Variants in PCDHAC1 observed in about 807,000 individuals in gnomAD.
PCDHAC1 encodes protocadherin alpha-C1.
A neutral mutation model predicts 60.0 loss-of-function variants in PCDHAC1; 42 were observed. The observed-to-expected ratio is 0.70, with a 90% CI of 0.55 to 0.90. The LOEUF (loss-of-function observed/expected upper bound fraction) is 0.90. PCDHAC1 is among the 40% of genes least tolerant of loss of function. The pLI is 0.00. For missense variants in PCDHAC1, 1,160 were observed against 1,222.3 expected, an observed-to-expected ratio of 0.95 and a Z score of 0.76; for synonymous variants, 468 against 499.3, an observed-to-expected ratio of 0.94 and a Z score of 0.84.
rs140423301 is a variant in PCDHAC1 at position 140,995,612 on chromosome 5, C to T, written c.2581+13049C>T. Among the ~76,000 whole-genome samples, 11 of 152,156 alleles carry T rather than the reference C, an allele frequency of 7.2e-5. No individual in the cohort carries two copies. In the East Asian group the frequency reaches 2.1e-3, roughly 29 times the overall value. On this transcript the variant is annotated intron_variant, in intron 3 of 3. Transcript: ENST00000253807. ...AACTTAGTGTTTTTCTTCTCCCAAA[C>T]CAAATATTGGAAACTTTGGAGTGTT... is the stretch of plus-strand genomic sequence containing the variant.
intron 3 of PCDHAC1, among the ~76,000 whole-genome samples, chr5:140,997,125 A>C (rs2097760835): frequency 6.6e-6 from 1 of 152,072 alleles, no homozygotes; most frequent in Admixed American, 6.6e-5. Context: ...CCACATACAC[A>C]ATGCCCCCAC....
chr5:140,945,709 G>C (rs1033770128), intron 1 of PCDHAC1, among the ~76,000 whole-genome samples: 4 of 151,930 alleles, frequency 2.6e-5, no homozygotes, highest in Admixed American at 1.3e-4. Flanking sequence ...TGCAACAAAA[G>C]TATCAAGAAT....
rs528377796 is a variant in PCDHAC1, at chr5:140,957,777, T to G, written c.2434-21172T>G. The stretch of plus-strand genomic sequence containing the variant: ...TTCATTATATATGTTAAGTAAAAAC[T>G]AAGTTCATCATATATGTTAAGTAAA... On this transcript the variant is annotated intron_variant, in intron 1 of 3. Coordinates refer to ENST00000253807, the MANE Select transcript of PCDHAC1 (RefSeq NM_018898.5). 8.5e-5 allele frequency among the ~76,000 whole-genome samples: 13 copies of G among 152,182 alleles called. No individual in the cohort carries two copies. The South Asian group carries it at 1.7e-3, about 19-fold the overall frequency.
At chr5:140,941,299 TC>T (rs1554214293) in intron 1 of PCDHAC1, among the ~76,000 whole-genome samples, 2 of 144,342 alleles carry the variant, frequency 1.4e-5, no homozygotes, top group African/African-American at 2.5e-5. Context: ...TTTCTTTCTT[TC>T]TTTCTTTTTC....
chr5:141,001,069 C>T (rs1422093659), intron 3 of PCDHAC1, among the ~76,000 whole-genome samples: 15 of 152,106 alleles, frequency 9.9e-5, no homozygotes, highest in African/African-American at 3.1e-4. Flanking sequence ...AAATTAAATA[C>T]ATGCAAAATA....
chr5:140,961,647 G>C (rs1204313600), intron 1 of PCDHAC1, among the ~76,000 whole-genome samples: 10 of 152,104 alleles, frequency 6.6e-5, no homozygotes, highest in African/African-American at 2.4e-4. Flanking sequence ...AAGTCTATGT[G>C]GTTAGTTTGA....
intron 3 of PCDHAC1, among the ~76,000 whole-genome samples, chr5:140,987,422 G>A (rs1554249178): frequency 6.6e-6 from 1 of 152,152 alleles, no homozygotes; most frequent in Non-Finnish European, 1.5e-5. Flanking sequence ...CTTGTGAGAA[G>A]CAGGGGGCCT....
chr5:141,002,146 CT>C (rs2098061512), intron 3 of PCDHAC1, among the ~76,000 whole-genome samples: 1 of 152,250 alleles, frequency 6.6e-6, no homozygotes, highest in Admixed American at 6.5e-5. Flanking sequence ...GCTGCACTGA[CT>C]TAGCAGAGTG....
intron 1 of PCDHAC1, among the ~76,000 whole-genome samples, chr5:140,957,730 T>G (rs1044691694): frequency 6.6e-6 from 1 of 152,144 alleles, no homozygotes; most frequent in Non-Finnish European, 1.5e-5. Flanking sequence ...AGCAGAATTA[T>G]ATATACTGAC....
intron 3 of PCDHAC1, among the ~76,000 whole-genome samples, chr5:141,006,862 A>G (rs1188678069): frequency 4.6e-5 from 7 of 152,244 alleles, no homozygotes; most frequent in Non-Finnish European, 1.0e-4. Flanking sequence ...TTAGAAAGGA[A>G]TAGATTCGAG....
chr5:140,940,940 G>A (rs187772223), intron 1 of PCDHAC1, among the ~76,000 whole-genome samples: 2 of 152,254 alleles, frequency 1.3e-5, no homozygotes, highest in Non-Finnish European at 2.9e-5. Context: ...CTTAGACTAC[G>A]TATTCTCAGA....
chr5:140,941,961 T>A (rs150142414), intron 1 of PCDHAC1, among the ~76,000 whole-genome samples: 2 of 152,214 alleles, frequency 1.3e-5, no homozygotes, highest in African/African-American at 4.8e-5. Flanking sequence ...AACAATAGTA[T>A]CTTTACTTTC....
At chr5:140,967,699 T>C (rs781874469) in intron 1 of PCDHAC1, 9 of 1,614,154 alleles carry the variant, frequency 5.6e-6, no homozygotes, top group Non-Finnish European at 7.6e-6. Context: ...TCAGCATAGA[T>C]GCCAGTACCG....
At chr5:140,938,907 A>T (rs2092260332) in intron 1 of PCDHAC1, among the ~76,000 whole-genome samples, 1 of 152,090 alleles carries the variant, frequency 6.6e-6, no homozygotes, top group Non-Finnish European at 1.5e-5. Context: ...GCACACACAC[A>T]CACGCACAAG....
intron 2 of PCDHAC1, among the ~76,000 whole-genome samples, chr5:140,981,835 T>C (rs991736759): frequency 6.6e-6 from 1 of 152,162 alleles, no homozygotes; most frequent in Non-Finnish European, 1.5e-5. Context: ...TCTAAAGGTC[T>C]CCCAGTTTGT....
intron 1 of PCDHAC1, 77 bp downstream of exon 1, chr5:140,929,402 A>G: frequency 7.3e-6 from 11 of 1,507,926 alleles, no homozygotes; most frequent in Non-Finnish European, 9.7e-6. Context: ...TTTCTTAGAC[A>G]AGCCTTTCAC....
chr5:140,983,005 A>AAAGG (rs1223217874), intron 3 of PCDHAC1, among the ~76,000 whole-genome samples: 11 of 152,228 alleles, frequency 7.2e-5, no homozygotes, highest in African/African-American at 2.4e-4. Flanking sequence ...AAAGAAAGAA[A>AAAGG]AAGGAAGGAA....
At chr5:140,956,906 A>G (rs2095319439) in intron 1 of PCDHAC1, among the ~76,000 whole-genome samples, 1 of 152,218 alleles carries the variant, frequency 6.6e-6, no homozygotes, top group Non-Finnish European at 1.5e-5. Flanking sequence ...TCTTAAATGT[A>G]TAAACTTTAA....
chr5:140,953,110 G>A (rs1384996852), intron 1 of PCDHAC1, among the ~76,000 whole-genome samples: 2 of 152,074 alleles, frequency 1.3e-5, no homozygotes, highest in Non-Finnish European at 2.9e-5. Flanking sequence ...ATTTGGGCAG[G>A]GACACAGATC....
Sources: gnomAD v4.1 joint callset for allele counts (sites outside exome capture counted in the v4.1 genomes callset) on GRCh38, gnomAD v4.1.1 for gene constraint, MANE v1.5 for transcripts, NCBI Gene and HGNC (gene_info 2026-07-23, HGNC 2026-07-21) for gene names.